MED13L: variants seen among roughly 807,000 people sequenced by gnomAD.
The protein encoded by MED13L is mediator complex subunit 13L.
MED13L carries 7 observed loss-of-function variants against 220.9 expected under a neutral mutation model. The ratio of observed to expected loss-of-function variants is 0.03; its 90% CI spans 0.02 to 0.06. The LOEUF (loss-of-function observed/expected upper bound fraction) is 0.06. Among genes scored for constraint, MED13L ranks in the 10% least tolerant of loss-of-function variants. The pLI, the probability that MED13L is intolerant of heterozygous loss-of-function variation, is 1.00. For synonymous variants in MED13L, 1,011 were observed against 1,015.2 expected, an observed-to-expected ratio of 1.00 and a Z score of 0.08; for missense variants, 1,965 against 2,760.5, an observed-to-expected ratio of 0.71 and a Z score of 6.46.
chr12:116,010,431 T>C (rs1340350030), intron 9 of MED13L, among the ~76,000 whole-genome samples: 1 of 152,218 alleles, frequency 6.6e-6, no homozygotes, highest in Non-Finnish European at 1.5e-5. Flanking sequence ...AGACACTTTA[T>C]GATACCCTCT....
chr12:115,981,075 T>C lies in MED13L; in HGVS notation c.5176-137A>G, dbSNP rs1044913886. ...GGGAGAGGTAACCTCAGCCTTAAAA[T>C]ATATCTGTGCCACACATAATATAAT... On this transcript the variant is annotated intron_variant, in intron 22 of 30. Transcript: ENST00000281928. 7 of 695,160 alleles carry C rather than the reference T, an allele frequency of 1.0e-5. No homozygotes were observed. In the Admixed American group the frequency reaches 1.0e-4, roughly 10 times the overall value. The allele number at this position is 695,160 out of a possible 1,614,324, so 43.1% of individuals were successfully genotyped here. A position where few individuals can be genotyped will look rare whatever the true frequency, so the allele number is the denominator to read the frequency against.
chr12:116,019,150 C>T, intron 7 of MED13L, 74 bp downstream of exon 7: 1 of 1,459,088 alleles, frequency 6.9e-7, no homozygotes, highest in South Asian at 1.3e-5. Flanking sequence ...TGTTTTCTCA[C>T]CTGTTCCATG....
intron 2 of MED13L, among the ~76,000 whole-genome samples, chr12:116,135,756 G>A (rs1876487756): frequency 6.6e-6 from 1 of 152,144 alleles, no homozygotes; most frequent in African/African-American, 2.4e-5. Flanking sequence ...TGTCCCTAAA[G>A]CAGGAAGAAA....
intron 2 of MED13L, among the ~76,000 whole-genome samples, chr12:116,219,950 C>T (rs1187234137): frequency 6.6e-6 from 1 of 152,072 alleles, no homozygotes; most frequent in African/African-American, 2.4e-5. Flanking sequence ...GTGCGCACCA[C>T]CATGCCCAGC....
intron 2 of MED13L, among the ~76,000 whole-genome samples, chr12:116,236,547 T>C (rs1870098296): frequency 6.6e-6 from 1 of 151,910 alleles, no homozygotes; most frequent in Admixed American, 6.6e-5. Context: ...ACAAAACATT[T>C]CAAACACGAT....
At chr12:116,220,971 G>A (rs1868375450) in intron 2 of MED13L, among the ~76,000 whole-genome samples, 1 of 152,134 alleles carries the variant, frequency 6.6e-6, no homozygotes, top group East Asian at 1.9e-4. Flanking sequence ...GTTCAACTAG[G>A]TTAAGTTAAC....
intron 29 of MED13L, among the ~76,000 whole-genome samples, chr12:115,965,431 T>A (rs1042983441): frequency 2.6e-5 from 4 of 151,304 alleles, no homozygotes; most frequent in African/African-American, 9.7e-5. Flanking sequence ...GCTATATCAT[T>A]CAGCAATCCC....
chr12:116,107,262 G>C (rs998886816), intron 3 of MED13L, among the ~76,000 whole-genome samples: 7 of 152,218 alleles, frequency 4.6e-5, no homozygotes, highest in African/African-American at 1.7e-4. Context: ...CAATGCTCTT[G>C]AGTAAGTAGC....
chr12:116,265,240 T>G (rs1872748469), intron 1 of MED13L, among the ~76,000 whole-genome samples: 1 of 152,202 alleles, frequency 6.6e-6, no homozygotes, highest in East Asian at 1.9e-4. Context: ...GAAAGCAAAT[T>G]AGATTGTCTA....
intron 18 of MED13L, among the ~76,000 whole-genome samples, chr12:115,986,817 G>A (rs1316945502): frequency 2.0e-5 from 3 of 152,108 alleles, no homozygotes; most frequent in African/African-American, 7.2e-5. Flanking sequence ...GACAGAACTG[G>A]CCCAGAAGTC....
chr12:116,250,658 T>TC (rs1871461181), intron 1 of MED13L, among the ~76,000 whole-genome samples: 1 of 148,282 alleles, frequency 6.7e-6, no homozygotes, highest in South Asian at 2.1e-4. Context: ...GCTCCTGTAG[T>TC]CCCAGCTACT....
intron 11 of MED13L, 89 bp downstream of exon 11, chr12:116,007,322 C>G: frequency 8.2e-7 from 1 of 1,213,804 alleles, no homozygotes; most frequent in Non-Finnish European, 1.2e-6. Context: ...CTATCTCAAA[C>G]GTTCTGCCTC....
intron 4 of MED13L, among the ~76,000 whole-genome samples, chr12:116,024,739 T>C (rs1328976275): frequency 2.3e-4 from 31 of 133,612 alleles, no homozygotes; most frequent in Middle Eastern, 3.8e-3. Flanking sequence ...TCCTATGGTT[T>C]CTTCTAGTAG....
intron 9 of MED13L, among the ~76,000 whole-genome samples, chr12:116,012,403 C>T (rs1879464487): frequency 6.6e-6 from 1 of 152,158 alleles, no homozygotes; most frequent in South Asian, 2.1e-4. Flanking sequence ...CTGCTAGCAA[C>T]AAAACAAATT....
At chr12:116,163,608 C>G (rs1475824757) in intron 2 of MED13L, among the ~76,000 whole-genome samples, 1 of 152,062 alleles carries the variant, frequency 6.6e-6, no homozygotes, top group Non-Finnish European at 1.5e-5. Flanking sequence ...CATGATCCAC[C>G]TGCCTCGGCC....
intron 4 of MED13L, among the ~76,000 whole-genome samples, chr12:116,043,912 A>C (rs1031599347): frequency 3.3e-5 from 5 of 152,230 alleles, no homozygotes; most frequent in African/African-American, 1.2e-4. Flanking sequence ...ACAACTCAGA[A>C]GCCTAATTAA....
intron 10 of MED13L, 161 bp downstream of exon 10, chr12:116,008,240 A>T: frequency 2.0e-6 from 2 of 996,068 alleles, no homozygotes; most frequent in Non-Finnish European, 2.9e-6. Context: ...ACCTATAAGT[A>T]GGACAAAGCA....
chr12:116,184,132 T>C (rs1880725024), intron 2 of MED13L, among the ~76,000 whole-genome samples: 1 of 152,156 alleles, frequency 6.6e-6, no homozygotes, highest in South Asian at 2.1e-4. Flanking sequence ...AAATGTACTA[T>C]TCATTAGCTA....
intron 2 of MED13L, among the ~76,000 whole-genome samples, chr12:116,121,585 CA>C (rs1214519734): frequency 1.3e-5 from 2 of 152,116 alleles, no homozygotes; most frequent in Non-Finnish European, 2.9e-5. Flanking sequence ...TGAAGAAATT[CA>C]AGCTCATGCT....
Sources: allele counts gnomAD v4.1 joint callset (sites outside exome capture counted in the v4.1 genomes callset), GRCh38; gene constraint gnomAD v4.1.1; transcripts MANE v1.5; gene names NCBI Gene and HGNC (gene_info 2026-07-23, HGNC 2026-07-21).